TSC22D1: variants seen among roughly 807,000 people sequenced by gnomAD.
TSC22D1 encodes TSC22 domain family member 1.
A neutral mutation model predicts 74.2 loss-of-function variants in TSC22D1; 9 were observed. That is an observed-to-expected ratio of 0.12 (90% CI 0.07 to 0.21). The LOEUF is 0.21. TSC22D1 is among the 10% of genes least tolerant of loss of function. The probability of loss-of-function intolerance (pLI) is 1.00; values close to 1 mark genes in which losing one functional copy is unlikely to be tolerated. For synonymous variants in TSC22D1, 586 were observed against 492.5 expected, an observed-to-expected ratio of 1.19 and a Z score of -2.51; for missense variants, 1,427 against 1,304.7, an observed-to-expected ratio of 1.09 and a Z score of -1.44.
chr13:44,453,163 T>G (rs1178111150), intron 1 of TSC22D1, among the ~76,000 whole-genome samples: 1 of 152,252 alleles, frequency 6.6e-6, no homozygotes, highest in Non-Finnish European at 1.5e-5. Flanking sequence ...AGTGTCTCCC[T>G]TTAACCTTCT....
chr13:44,567,238 G>T (rs2138223071), intron 1 of TSC22D1, among the ~76,000 whole-genome samples: 1 of 152,246 alleles, frequency 6.6e-6, no homozygotes, highest in East Asian at 1.9e-4. Context: ...AATCAGAAGA[G>T]CCTTCTTATA....
At chr13:44,541,458 AAG>A (rs1231401199) in intron 1 of TSC22D1, among the ~76,000 whole-genome samples, 2 of 152,162 alleles carry the variant, frequency 1.3e-5, no homozygotes, top group African/African-American at 4.8e-5. Context: ...GAAAAGAAAA[AAG>A]AAACTGGAAA....
chr13:44,510,961 T>A (rs770637530), intron 1 of TSC22D1, among the ~76,000 whole-genome samples: 1 of 152,098 alleles, frequency 6.6e-6, no homozygotes, highest in Admixed American at 6.6e-5. Flanking sequence ...TGTGAAAAAA[T>A]TATGAAAAAT....
Position 44,434,888 on chromosome 13 carries a change from A to G in TSC22D1, c.2965-5T>C. On this transcript the variant is annotated splice_polypyrimidine_tract_variant and splice_region_variant and intron_variant, in intron 2 of 2. Coordinates refer to ENST00000458659, the MANE Select transcript of TSC22D1 (RefSeq NM_183422.4). The stretch of plus-strand genomic sequence containing the variant: ...CAAATGGCTTTTCACTAGATCCTGG[A>G]AAGAAGACAGAAAAGGTTTAACTCA... 1 of 1,608,446 alleles carries G rather than the reference A, an allele frequency of 6.2e-7. No individual in the cohort carries two copies.
chr13:44,504,875 A>C (rs1437233250), intron 1 of TSC22D1, among the ~76,000 whole-genome samples: 1 of 152,226 alleles, frequency 6.6e-6, no homozygotes, highest in Non-Finnish European at 1.5e-5. Context: ...GTTAAAGGCC[A>C]AATGCATACA....
chr13:44,470,759 C>G (rs961310474), intron 1 of TSC22D1, among the ~76,000 whole-genome samples: 3 of 152,168 alleles, frequency 2.0e-5, no homozygotes, highest in Non-Finnish European at 2.9e-5. Flanking sequence ...ACACCAGAGG[C>G]TGGCACTTCA....
Position 44,575,425 on chromosome 13 carries a change from G to A in TSC22D1, c.650C>T (p.Pro217Leu). The A allele has an allele frequency of 6.2e-7, 1 of 1,613,970 alleles. No homozygotes were observed. ...QNVVINGNAH[P>L]HHLHHHHQIH... ...CTGATGGTGGTGATGGAGGTGGTGT[G>A]GATGAGCATTCCCATTGATCACAAC... Residue 217 changes from proline to leucine, a missense_variant, in exon 1 of 3, where the codon CCA (proline) becomes CTA (leucine). Pro to Leu is a moderately conservative substitution (Grantham distance 98, BLOSUM62 -3). Coordinates refer to ENST00000458659, the MANE Select transcript of TSC22D1 (RefSeq NM_183422.4).
intron 1 of TSC22D1, among the ~76,000 whole-genome samples, chr13:44,457,785 T>A (rs1876758123): frequency 6.6e-6 from 1 of 152,160 alleles, no homozygotes; most frequent in African/African-American, 2.4e-5. Context: ...ATCTCTATGA[T>A]TTCCAAAGCC....
Position 44,575,096 on chromosome 13 carries a change from T to C in TSC22D1, c.979A>G (p.Asn327Asp). The change falls in exon 1 of 3, where the codon AAT becomes GAT. Residue 327 changes from asparagine to aspartate, a missense_variant. This residue lies in a region of TSC22D1 where 1,343 missense variants were observed against 1,191.5 expected (regional missense o/e 1.13). Transcript: ENST00000458659. ...TTACCAAGCATGCTGCTTGTCACAT[T>C]AGGATTAAAACTACCCACAGCAGTA... ...NITAVGSFNP[N>D]VTSSMLGNVN... The C allele has an allele frequency of 1.9e-6, 3 of 1,614,194 alleles. No homozygotes were observed. Among genetic ancestry groups the C allele is most frequent in the Non-Finnish European group, 2.5e-6 (3 of 1,180,036 alleles).
chr13:44,467,689 A>G (rs1225543951), intron 1 of TSC22D1, among the ~76,000 whole-genome samples: 3 of 152,220 alleles, frequency 2.0e-5, no homozygotes, highest in East Asian at 1.9e-4. Flanking sequence ...CAAAACCACC[A>G]CAATGAGATA....
intron 1 of TSC22D1, among the ~76,000 whole-genome samples, chr13:44,450,022 T>C (rs1875993504): frequency 6.6e-6 from 1 of 152,170 alleles, no homozygotes; most frequent in Non-Finnish European, 1.5e-5. Flanking sequence ...GAAAGACGTA[T>C]GATATTTTGT....
rs78980111 is a variant in TSC22D1 at position 44,465,377 on chromosome 13, G to C, written c.2913-29282C>G. On this transcript the variant is annotated intron_variant, in intron 1 of 2. Transcript: ENST00000458659. ...ATTCCTTTTTCTAATAGGACTCTGTGGGGGGACACGAGCATGACAATGATG... is the reference window on the plus strand; with the variant it reads ...ATTCCTTTTTCTAATAGGACTCTGTCGGGGGACACGAGCATGACAATGATG... Among the ~76,000 whole-genome samples the C allele has an allele frequency of 5.7e-3, 863 of 152,274 alleles. 7 individuals carry two copies. Among genetic ancestry groups the C allele is most frequent in the African/African-American group, 0.02 (819 of 41,544 alleles).
At chr13:44,539,055 A>G in intron 1 of TSC22D1, 1 of 985,396 alleles carries the variant, frequency 1.0e-6, no homozygotes, top group Non-Finnish European at 1.2e-6. Context: ...CCTTGGCATC[A>G]AAGAAACTAA....
At chr13:44,571,035 T>TAA (rs1566182356) in intron 1 of TSC22D1, among the ~76,000 whole-genome samples, 1 of 152,204 alleles carries the variant, frequency 6.6e-6, no homozygotes, top group Non-Finnish European at 1.5e-5. Flanking sequence ...GAATTTAAGA[T>TAA]ACCGCTAAAA....
Position 44,434,437 on chromosome 13 carries a change from A to G in TSC22D1, c.*189T>C, listed in dbSNP as rs1874342890. ...GGATTAACCTTTAATTCACCCAACT[A>G]AGAAATTTCTCCAAGCCATAAGCAT... On this transcript the variant is annotated 3_prime_UTR_variant, in exon 3 of 3. Coordinates refer to ENST00000458659, the MANE Select transcript of TSC22D1 (RefSeq NM_183422.4). 2 of 1,355,068 alleles carry G rather than the reference A, an allele frequency of 1.5e-6. No homozygotes were observed. The highest frequency in any genetic ancestry group is 4.2e-5 in the South Asian group (2 of 47,780). The allele number at this position is 1,355,068 out of a possible 1,614,324, so 83.9% of individuals were successfully genotyped here. A position where few individuals can be genotyped will look rare whatever the true frequency, so the allele number is the denominator to read the frequency against.
intron 1 of TSC22D1, chr13:44,538,375 TAAG>T (rs1881274286): frequency 2.0e-6 from 2 of 985,188 alleles, no homozygotes; most frequent in Non-Finnish European, 2.4e-6. Flanking sequence ...TTCGAATAAT[TAAG>T]AAGTTCACCC....
At chr13:44,511,157 C>T (rs939721051) in intron 1 of TSC22D1, among the ~76,000 whole-genome samples, 9 of 152,092 alleles carry the variant, frequency 5.9e-5, no homozygotes, top group Admixed American at 3.9e-4. Context: ...GTGGTGCGCA[C>T]CTGTAATCCC....
At chr13:44,570,891 G>A (rs890489899) in intron 1 of TSC22D1, among the ~76,000 whole-genome samples, 2 of 152,008 alleles carry the variant, frequency 1.3e-5, no homozygotes, top group African/African-American at 4.8e-5. Flanking sequence ...TATCTTCCAA[G>A]GGCAAATTTA....
chr13:44,520,583 G>T (rs1880264253), intron 1 of TSC22D1, among the ~76,000 whole-genome samples: 2 of 152,038 alleles, frequency 1.3e-5, no homozygotes, highest in South Asian at 4.1e-4. Context: ...CATAAGAGAA[G>T]GATCTAGTTG....
Sources: gnomAD v4.1 joint callset for allele counts (sites outside exome capture counted in the v4.1 genomes callset) on GRCh38, gnomAD v4.1.1 for gene constraint, gnomAD v4.1.1 regional missense constraint, MANE v1.5 for transcripts, NCBI Gene and HGNC (gene_info 2026-07-23, HGNC 2026-07-21) for gene names.